EXOC4: variants seen among roughly 807,000 people sequenced by gnomAD.
EXOC4 encodes the protein exocyst complex component 4.
In EXOC4, 71 loss-of-function variants were observed where a neutral mutation model predicts 107.2. The observed-to-expected ratio is 0.66, with a 90% CI of 0.55 to 0.81. EXOC4 has a LOEUF of 0.81. Among genes scored for constraint, EXOC4 ranks in the 30% least tolerant of loss-of-function variants. The probability of loss-of-function intolerance (pLI) is 0.00; values close to 1 mark genes in which losing one functional copy is unlikely to be tolerated. For missense variants in EXOC4, 1,108 were observed against 1,189.6 expected, an observed-to-expected ratio of 0.93 and a Z score of 1.01; for synonymous variants, 456 against 441.2, an observed-to-expected ratio of 1.03 and a Z score of -0.42.
intron 1 of EXOC4, 164 bp downstream of exon 1, chr7:133,253,351 C>T (rs2150493708): frequency 7.1e-7 from 1 of 1,402,738 alleles, no homozygotes; most frequent in Non-Finnish European, 9.3e-7. Context: ...CCCAGCAATT[C>T]CCCCTCCACC....
Position 133,796,246 on chromosome 7 carries a change from C to CCAAGGTGACATCATTTGGATCCCA in EXOC4, c.1515-21078_1515-21055dup, listed in dbSNP as rs1175381200. Among the ~76,000 whole-genome samples the CCAAGGTGACATCATTTGGATCCCA allele has an allele frequency of 1.4e-4, 22 of 152,094 alleles. No homozygotes were observed. In the East Asian group the frequency reaches 4.3e-3, roughly 29 times the overall value. ...CAGATGAAAGAACTGTTTTTCTATC[C>CCAAGGTGACATCATTTGGATCCCA]CAAGGTGACATCATTTGGATCCCAG... is the stretch of plus-strand genomic sequence containing the variant. On this transcript the variant is annotated intron_variant, in intron 10 of 17. Coordinates refer to ENST00000253861, the MANE Select transcript of EXOC4 (RefSeq NM_021807.4).
At chr7:134,077,320 G>A in the EXOC4 span, among the ~76,000 whole-genome samples, 4 of 152,120 alleles carry the variant, frequency 2.6e-5, no homozygotes, top group Non-Finnish European at 5.9e-5. Flanking sequence ...TTCTATCAGG[G>A]CCTTCAACAA....
At chr7:133,825,002 C>T (rs117740989) in intron 11 of EXOC4, among the ~76,000 whole-genome samples, 3,063 of 152,042 alleles carry the variant, frequency 0.02, 55 homozygotes, top group Non-Finnish European at 0.03. Context: ...AGAATGCAAT[C>T]GATTCAGTTT....
intron 10 of EXOC4, 173 bp downstream of exon 10, chr7:133,630,314 C>CT (rs1421771101): frequency 1.9e-6 from 1 of 530,570 alleles, no homozygotes; most frequent in East Asian, 2.9e-5. Context: ...CTCAATCCCA[C>CT]TGAGTAGCTA....
chr7:133,890,594 T>G (rs1417083786), intron 11 of EXOC4, among the ~76,000 whole-genome samples: 1 of 112,488 alleles, frequency 8.9e-6, no homozygotes, highest in Non-Finnish European at 1.7e-5. Flanking sequence ...TTGAATTGAT[T>G]TTTGTATAAG....
At chr7:133,917,785 C>T (rs73156934) in intron 13 of EXOC4, 47 bp downstream of exon 13, 192,106 of 1,552,780 alleles carry the variant, frequency 0.12, 12,552 homozygotes, top group Middle Eastern at 0.14. Context: ...GGAGGAAGCA[C>T]ATCTGTTTAG....
In EXOC4 at chr7:133,853,345, AACACACACACACACACACACACACAC is replaced by A. The variant is rs59000979; in HGVS notation, c.1734+35829_1734+35854del. Among the ~76,000 whole-genome samples, 413 of 115,570 alleles carry A rather than the reference AACACACACACACACACACACACACAC, an allele frequency of 3.6e-3. 3 individuals are homozygous for A. The highest frequency in any genetic ancestry group is 0.011 in the African/African-American group (341 of 31,670). 75.8% of individuals were successfully genotyped at this position (115,570 alleles called of 152,430 possible). A position where few individuals can be genotyped will look rare whatever the true frequency, so the allele number is the denominator to read the frequency against. On this transcript the variant is annotated intron_variant, in intron 11 of 17. Transcript: ENST00000253861. The stretch of plus-strand genomic sequence containing the variant: ...TCTGTCTCTCTCTCTCTCTCTCTTT[AACACACACACACACACACACACACAC>A]ACACACACACACACACACACACACA...
chr7:133,740,100 G>T (rs1795533728), intron 10 of EXOC4, among the ~76,000 whole-genome samples: 1 of 152,054 alleles, frequency 6.6e-6, no homozygotes, highest in South Asian at 2.1e-4. Flanking sequence ...AATGTAGTTT[G>T]ATTCGATGAG....
rs540910149 is a variant in EXOC4 at position 133,530,158 on chromosome 7, AG to A, written c.1417+50021del. ...CTACGCTACACTGCCGAGGAATGGC[AG>A]TTTAAGAGGTGGAAGTCGTGTGACA... On this transcript the variant is annotated intron_variant, in intron 9 of 17. Transcript: ENST00000253861. 8.5e-5 allele frequency among the ~76,000 whole-genome samples: 13 copies of A among 152,334 alleles called. No homozygotes were observed. The East Asian group carries it at 1.5e-3, about 18-fold the overall frequency.
intron 6 of EXOC4, among the ~76,000 whole-genome samples, chr7:133,369,592 G>T (rs1371665018): frequency 6.6e-6 from 1 of 152,016 alleles, no homozygotes; most frequent in Admixed American, 6.5e-5. Flanking sequence ...CTTTCCTGGA[G>T]TGTTGGTCCT....
chr7:133,682,405 A>C (rs931989385), intron 10 of EXOC4, among the ~76,000 whole-genome samples: 1 of 152,152 alleles, frequency 6.6e-6, no homozygotes, highest in Non-Finnish European at 1.5e-5. Flanking sequence ...TGATGGGTTT[A>C]TCAGGGGTTT....
At chr7:133,555,527 C>T (rs1201793154) in intron 9 of EXOC4, among the ~76,000 whole-genome samples, 1 of 152,116 alleles carries the variant, frequency 6.6e-6, no homozygotes, top group Non-Finnish European at 1.5e-5. Context: ...TAAATTTTGG[C>T]TTTGCTACTC....
chr7:133,760,554 G>A (rs938681474), intron 10 of EXOC4, among the ~76,000 whole-genome samples: 1 of 152,022 alleles, frequency 6.6e-6, no homozygotes, highest in Non-Finnish European at 1.5e-5. Flanking sequence ...GACCGCACAC[G>A]TGAGTGCCTG....
intron 17 of EXOC4, 48 bp downstream of exon 17, chr7:134,007,883 C>G: frequency 6.6e-7 from 1 of 1,525,030 alleles, no homozygotes; most frequent in Non-Finnish European, 8.9e-7. Flanking sequence ...GCTAAGACCT[C>G]GTTGCCTGTG....
At chr7:133,570,583 G>T (rs1801002546) in intron 9 of EXOC4, among the ~76,000 whole-genome samples, 1 of 152,192 alleles carries the variant, frequency 6.6e-6, no homozygotes, top group Admixed American at 6.5e-5. Context: ...CTCAGATGCA[G>T]ATGGCTCTTG....
chr7:133,511,339 C>T (rs757111636), intron 9 of EXOC4, among the ~76,000 whole-genome samples: 8 of 151,918 alleles, frequency 5.3e-5, no homozygotes, highest in Non-Finnish European at 8.8e-5. Flanking sequence ...GTTTGGGTTT[C>T]TAGGGGCAAA....
the EXOC4 span, among the ~76,000 whole-genome samples, chr7:134,080,375 G>A: frequency 6.6e-6 from 1 of 152,050 alleles, no homozygotes; most frequent in Non-Finnish European, 1.5e-5. Flanking sequence ...TAAGGTTGGA[G>A]AATAATTCAG....
intron 10 of EXOC4, among the ~76,000 whole-genome samples, chr7:133,677,556 C>A (rs963469286): frequency 1.3e-5 from 2 of 152,140 alleles, no homozygotes; most frequent in Non-Finnish European, 2.9e-5. Flanking sequence ...TTGTTTTGCT[C>A]CGATTTTTAA....
chr7:133,576,962 G>C, intron 9 of EXOC4: 1 of 872,532 alleles, frequency 1.1e-6, no homozygotes, highest in South Asian at 1.5e-5. Flanking sequence ...AGGTGAGTGA[G>C]AGTGAGAAAG....
Sources: allele counts gnomAD v4.1 joint callset (sites outside exome capture counted in the v4.1 genomes callset), GRCh38; gene constraint gnomAD v4.1.1; transcripts MANE v1.5; gene names NCBI Gene and HGNC (gene_info 2026-07-23, HGNC 2026-07-21).